Variants in PGRMC2 observed in about 807,000 individuals in gnomAD.
PGRMC2 encodes the protein progesterone receptor membrane component 2, also known as membrane-associated progesterone receptor component 2.
Under a neutral mutation model 19.3 loss-of-function variants are expected in PGRMC2, and 9 were observed. The observed-to-expected ratio is 0.47, with a 90% CI of 0.28 to 0.81. The LOEUF (loss-of-function observed/expected upper bound fraction) is 0.81. Among genes scored for constraint, PGRMC2 ranks in the 40% least tolerant of loss-of-function variants. The probability of loss-of-function intolerance (pLI) is 0.11; values close to 1 mark genes in which losing one functional copy is unlikely to be tolerated. For missense variants in PGRMC2, 289 were observed against 297.3 expected, an observed-to-expected ratio of 0.97 and a Z score of 0.21; for synonymous variants, 157 against 124.6, an observed-to-expected ratio of 1.26 and a Z score of -1.73.
rs1356685505 is a variant in PGRMC2, at chr4:128,287,673, A to G, written c.118T>C (p.Trp40Arg). The G allele has an allele frequency of 3.3e-6, 5 of 1,530,244 alleles. No individual in the cohort carries two copies. The South Asian group carries it at 6.0e-5, about 18-fold the overall frequency. The allele number at this position is 1,530,244 out of a possible 1,614,324, so 94.8% of individuals were successfully genotyped here. A position where few individuals can be genotyped will look rare whatever the true frequency, so the allele number is the denominator to read the frequency against. ...DAGAAAEGGG[W>R]AAAALALLTG... The stretch of plus-strand genomic sequence containing the variant: ...AGAAGCGCCAACGCCGCCGCCGCCC[A>G]GCCTCCCCCTTCCGCTGCCGCTCCC... The change falls in exon 1 of 3, where the codon TGG (tryptophan) becomes CGG (arginine). Residue 40 changes from tryptophan to arginine, a missense_variant. Coordinates refer to ENST00000296425, the MANE Select transcript of PGRMC2 (RefSeq NM_006320.6).
At chr4:128,280,858 C>T (rs1270416828) in intron 1 of PGRMC2, among the ~76,000 whole-genome samples, 1 of 152,076 alleles carries the variant, frequency 6.6e-6, no homozygotes, top group Non-Finnish European at 1.5e-5. Flanking sequence ...CTTGGTCTCC[C>T]AAAAATGGTA....
At chr4:128,281,512 AGAAG>A (rs1760910240) in intron 1 of PGRMC2, among the ~76,000 whole-genome samples, 1 of 152,204 alleles carries the variant, frequency 6.6e-6, no homozygotes, top group Non-Finnish European at 1.5e-5. Context: ...AATCAATCAG[AGAAG>A]GAAAAATAGT....
intron 1 of PGRMC2, among the ~76,000 whole-genome samples, chr4:128,283,396 T>C (rs1363966268): frequency 6.6e-6 from 1 of 152,200 alleles, no homozygotes; most frequent in African/African-American, 2.4e-5. Flanking sequence ...TTAGAATCAG[T>C]GTTGTTTTCA....
intron 1 of PGRMC2, among the ~76,000 whole-genome samples, chr4:128,287,072 A>G (rs1178063516): frequency 6.6e-6 from 1 of 151,884 alleles, no homozygotes; most frequent in Non-Finnish European, 1.5e-5. Flanking sequence ...CCAGCCAAAG[A>G]AACAAAAAAA....
intron 1 of PGRMC2, among the ~76,000 whole-genome samples, chr4:128,280,551 C>T: frequency 6.6e-6 from 1 of 151,894 alleles, no homozygotes; most frequent in East Asian, 1.9e-4. Context: ...CGACTCCTCA[C>T]CAACAAGTGG....
intron 1 of PGRMC2, among the ~76,000 whole-genome samples, chr4:128,278,648 G>A (rs1344815642): frequency 1.3e-5 from 2 of 151,844 alleles, no homozygotes; most frequent in Non-Finnish European, 2.9e-5. Context: ...AATTTCAAAT[G>A]GAACTAAAAA....
In PGRMC2 at chr4:128,269,659, G is replaced by A. The variant is rs1760696605; in HGVS notation, c.*1657C>T. The stretch of plus-strand genomic sequence containing the variant: ...TATCTACAAAGCAGAAGTCTTAACT[G>A]GTGACCTGTTAAATAACATTGCCTT... On this transcript the variant is annotated 3_prime_UTR_variant, in exon 3 of 3. Coordinates refer to ENST00000296425, the MANE Select transcript of PGRMC2 (RefSeq NM_006320.6). The A allele has an allele frequency of 6.6e-6, 1 of 152,150 alleles. No homozygotes were observed. The highest frequency in any genetic ancestry group is 1.9e-4 in the East Asian group (1 of 5,200). 9.4% of individuals were successfully genotyped at this position (152,150 alleles called of 1,614,324 possible). A position where few individuals can be genotyped will look rare whatever the true frequency, so the allele number is the denominator to read the frequency against.
Position 128,269,325 on chromosome 4 carries a change from T to G in PGRMC2, c.*1991A>C, listed in dbSNP as rs4016. 1.3e-5 allele frequency: 2 copies of G among 151,970 alleles called. No homozygotes were observed. Among genetic ancestry groups the G allele is most frequent in the African/African-American group, 2.4e-5 (1 of 41,360 alleles). 9.4% of individuals were successfully genotyped at this position (151,970 alleles called of 1,614,324 possible). On this transcript the variant is annotated 3_prime_UTR_variant, in exon 3 of 3. Coordinates refer to ENST00000296425, the MANE Select transcript of PGRMC2 (RefSeq NM_006320.6). ...TTTCTTAACAGACCGCATAATTTTT[T>G]CTGCATGAATATTTAGGGTTTCTCT... is the stretch of plus-strand genomic sequence containing the variant.
intron 1 of PGRMC2, among the ~76,000 whole-genome samples, chr4:128,281,080 T>G (rs1000069955): frequency 1.1e-4 from 17 of 151,996 alleles, no homozygotes; most frequent in Admixed American, 3.3e-4. Context: ...GTTAGTAAAT[T>G]TAAACAAGGA....
intron 1 of PGRMC2, among the ~76,000 whole-genome samples, chr4:128,276,493 A>G (rs1274695730): frequency 1.3e-5 from 2 of 151,976 alleles, no homozygotes; most frequent in Non-Finnish European, 2.9e-5. Flanking sequence ...TAATTTTTAT[A>G]TTTTTGGTAG....
rs780875401 is a variant in PGRMC2, at chr4:128,271,302, G to T, written c.*14C>A. On this transcript the variant is annotated 3_prime_UTR_variant, in exon 3 of 3. Transcript: ENST00000296425. The stretch of plus-strand genomic sequence containing the variant: ...GCAGTTCTGAAGGCCCCTGACTTTG[G>T]TTGTTTACAAAGTTCAATCCTGTTT... The T allele has an allele frequency of 6.3e-5, 91 of 1,439,990 alleles. 1 individual carries two copies. The East Asian group carries it at 2.0e-3, about 32-fold the overall frequency. The allele number at this position is 1,439,990 out of a possible 1,614,324, so 89.2% of individuals were successfully genotyped here.
chr4:128,280,350 TG>T (rs199528604), intron 1 of PGRMC2, among the ~76,000 whole-genome samples: 1,275 of 42,682 alleles, frequency 0.03, 65 homozygotes, highest in African/African-American at 0.078. Flanking sequence ...GCAAATTTTC[TG>T]GGAAAAAAAA....
At chr4:128,279,221 A>T (rs918905065) in intron 1 of PGRMC2, among the ~76,000 whole-genome samples, 2 of 152,110 alleles carry the variant, frequency 1.3e-5, no homozygotes, top group African/African-American at 4.8e-5. Flanking sequence ...AAAAAAAAAA[A>T]GAGAAAAACT....
At chr4:128,286,733 G>C (rs965156537) in intron 1 of PGRMC2, 2 of 398,460 alleles carry the variant, frequency 5.0e-6, no homozygotes, top group Non-Finnish European at 8.8e-6. Flanking sequence ...ATCATGGAAA[G>C]CAACTCCGAA....
chr4:128,286,860 A>T, intron 1 of PGRMC2: 1 of 390,192 alleles, frequency 2.6e-6, no homozygotes, highest in East Asian at 3.6e-5. Context: ...ACAGCGAGGG[A>T]AAAAAGGAGA....
At chr4:128,274,973 T>C (rs369536157) in intron 1 of PGRMC2, among the ~76,000 whole-genome samples, 17 of 152,302 alleles carry the variant, frequency 1.1e-4, no homozygotes, top group Non-Finnish European at 2.2e-4. Flanking sequence ...CTAAAATTAC[T>C]GACAGAACTG....
chr4:128,282,891 C>T (rs1449521006), intron 1 of PGRMC2, among the ~76,000 whole-genome samples: 3 of 152,336 alleles, frequency 2.0e-5, no homozygotes, highest in African/African-American at 4.8e-5. Flanking sequence ...TTTTCCCCAA[C>T]CTCCTAAATA....
At chr4:128,274,627 A>AAG (rs1304583806) in intron 1 of PGRMC2, among the ~76,000 whole-genome samples, 3 of 152,130 alleles carry the variant, frequency 2.0e-5, no homozygotes, top group African/African-American at 7.2e-5. Context: ...TCAGGAGGAC[A>AAG]AGGAGAGAGA....
chr4:128,276,882 G>C (rs1760822746), intron 1 of PGRMC2, among the ~76,000 whole-genome samples: 2 of 152,136 alleles, frequency 1.3e-5, no homozygotes, highest in African/African-American at 4.8e-5. Flanking sequence ...TCATTTTAAA[G>C]ATAAATTTTA....
Sources: gnomAD v4.1 joint callset for allele counts (sites outside exome capture counted in the v4.1 genomes callset) on GRCh38, gnomAD v4.1.1 for gene constraint, MANE v1.5 for transcripts, NCBI Gene and HGNC (gene_info 2026-07-23, HGNC 2026-07-21) for gene names.